Variants in RAP1A observed in about 807,000 individuals in gnomAD.
RAP1A encodes the protein ras-related protein Rap-1A.
In RAP1A, 6 loss-of-function variants were observed where a neutral mutation model predicts 26.4. That is an observed-to-expected ratio of 0.23 (90% CI 0.12 to 0.45). The LOEUF is 0.45. RAP1A is among the 20% of genes least tolerant of loss of function. The pLI is 0.99. For missense variants in RAP1A, 121 were observed against 217.2 expected (o/e 0.56, Z 2.78); for synonymous variants, 73 against 79.4 (o/e 0.92, Z 0.43).
chr1:111,709,625 A>C (rs1662314607), intron 7 of RAP1A, among the ~76,000 whole-genome samples: 1 of 152,172 alleles, frequency 6.6e-6, no homozygotes. Context: ...TTAAGTGCAC[A>C]TTTGGTGAAT....
chr1:111,703,682 T>G (rs1327103728), intron 5 of RAP1A, among the ~76,000 whole-genome samples: 1 of 152,208 alleles, frequency 6.6e-6, no homozygotes, highest in Non-Finnish European at 1.5e-5. Flanking sequence ...ACATATGTGA[T>G]AAAGTACTCA....
intron 1 of RAP1A, chr1:111,604,750 CA>C (rs1658738284): frequency 6.6e-6 from 1 of 152,116 alleles, no homozygotes; most frequent in Non-Finnish European, 1.5e-5. Context: ...AATTCATCCT[CA>C]AAATAATTGC....
chr1:111,581,743 A>C (rs1194997758), intron 1 of RAP1A, among the ~76,000 whole-genome samples: 1 of 152,244 alleles, frequency 6.6e-6, no homozygotes, highest in East Asian at 1.9e-4. Flanking sequence ...GATAAGACAC[A>C]AGCTCGTACT....
At chr1:111,627,340 G>T (rs1239341067) in intron 1 of RAP1A, 31 of 151,794 alleles carry the variant, frequency 2.0e-4, no homozygotes, top group Admixed American at 2.0e-3. Context: ...TCCTGAATGG[G>T]ATGTTGGTCT....
intron 1 of RAP1A, among the ~76,000 whole-genome samples, chr1:111,637,002 C>A (rs976041698): frequency 2.0e-5 from 3 of 152,056 alleles, no homozygotes; most frequent in African/African-American, 7.3e-5. Flanking sequence ...TACCTCATAA[C>A]CTTGCAGAAA....
chr1:111,611,924 C>T (rs1658932544), intron 1 of RAP1A, among the ~76,000 whole-genome samples: 1 of 152,034 alleles, frequency 6.6e-6, no homozygotes, highest in Non-Finnish European at 1.5e-5. Flanking sequence ...TTTGCTAAAT[C>T]TAGCAACCCT....
At chr1:111,678,370 G>A (rs1661192137) in intron 1 of RAP1A, among the ~76,000 whole-genome samples, 1 of 152,218 alleles carries the variant, frequency 6.6e-6, no homozygotes, top group East Asian at 1.9e-4. Flanking sequence ...GGATGTTTTT[G>A]TAAATGGCAT....
intron 1 of RAP1A, among the ~76,000 whole-genome samples, chr1:111,580,785 T>C (rs1425171493): frequency 6.6e-6 from 1 of 151,404 alleles, no homozygotes; most frequent in Admixed American, 6.6e-5. Flanking sequence ...AGGCAGAGGT[T>C]GTAATGAGCC....
intron 1 of RAP1A, among the ~76,000 whole-genome samples, chr1:111,568,293 T>C (rs1438963277): frequency 7.2e-5 from 11 of 152,216 alleles, no homozygotes. Flanking sequence ...ACTCAGCTTC[T>C]AGTGAGGCCT....
intron 1 of RAP1A, among the ~76,000 whole-genome samples, chr1:111,599,023 A>G (rs531400593): frequency 6.6e-6 from 1 of 152,264 alleles, no homozygotes; most frequent in East Asian, 1.9e-4. Context: ...AAGCATACAG[A>G]TGATGAGGTG....
At chr1:111,689,096 A>G (rs1426889316) in intron 1 of RAP1A, among the ~76,000 whole-genome samples, 1 of 152,030 alleles carries the variant, frequency 6.6e-6, no homozygotes, top group Non-Finnish European at 1.5e-5. Flanking sequence ...TTGGCCTCCC[A>G]AAGTGCTGGG....
upstream of RAP1A, chr1:111,619,778 G>T (rs574620139): frequency 1.3e-3 from 533 of 397,430 alleles, no homozygotes; most frequent in African/African-American, 0.01. Context: ...GCGCGTTCTG[G>T]AGGAGGCGCC....
chr1:111,548,652 A>T (rs1047867085), intron 1 of RAP1A, among the ~76,000 whole-genome samples: 3 of 152,164 alleles, frequency 2.0e-5, no homozygotes, highest in African/African-American at 7.2e-5. Context: ...CACAAACAAG[A>T]TTAATTTTTT....
rs1234459769 is a variant in RAP1A at position 111,709,279 on chromosome 1, G to C, written c.*29+15G>C. On this transcript the variant is annotated intron_variant, in intron 7 of 7. Transcript: ENST00000369709. The stretch of plus-strand genomic sequence containing the variant: ...CTCTGAGCCAGGTAAGATGCTAAAA[G>C]CAGAACAAGTGCCTTTCTCATGCTC... 3 of 1,571,786 alleles carry C rather than the reference G, an allele frequency of 1.9e-6. No individual in the cohort carries two copies. Among genetic ancestry groups the C allele is most frequent in the Non-Finnish European group, 2.6e-6 (3 of 1,165,986 alleles).
chr1:111,652,948 G>A (rs558788291), intron 1 of RAP1A, among the ~76,000 whole-genome samples: 7 of 152,186 alleles, frequency 4.6e-5, no homozygotes, highest in Non-Finnish European at 1.0e-4. Context: ...AATTGGAAAC[G>A]TATGTGTACA....
chr1:111,668,220 AG>A (rs982440502), intron 1 of RAP1A, among the ~76,000 whole-genome samples: 4 of 152,240 alleles, frequency 2.6e-5, no homozygotes, highest in Admixed American at 2.0e-4. Context: ...TAGTAACTCC[AG>A]GCACTTGCAG....
At chr1:111,689,099 GT>G (rs549026333) in intron 1 of RAP1A, among the ~76,000 whole-genome samples, 50 of 152,094 alleles carry the variant, frequency 3.3e-4, no homozygotes, top group Non-Finnish European at 6.5e-4. Context: ...GCCTCCCAAA[GT>G]GCTGGGATTA....
chr1:111,661,294 A>G (rs550788508), intron 1 of RAP1A, among the ~76,000 whole-genome samples: 177 of 152,296 alleles, frequency 1.2e-3, no homozygotes, highest in African/African-American at 3.8e-3. Flanking sequence ...TACAAAGTTC[A>G]TTTTAGCTTC....
At chr1:111,623,466 A>G (rs367608680) in intron 1 of RAP1A, among the ~76,000 whole-genome samples, 15 of 150,314 alleles carry the variant, frequency 1.0e-4, no homozygotes, top group Middle Eastern at 3.7e-3. Flanking sequence ...GAGTACAGTG[A>G]TGTGATCTTG....
Sources: gnomAD v4.1 joint callset for allele counts (sites outside exome capture counted in the v4.1 genomes callset) on GRCh38, gnomAD v4.1.1 for gene constraint, MANE v1.5 for transcripts, NCBI Gene and HGNC (gene_info 2026-07-23, HGNC 2026-07-21) for gene names.